DCP1A: variants seen among roughly 807,000 people sequenced by gnomAD.
The protein encoded by DCP1A is decapping mRNA 1A, also known as mRNA-decapping enzyme 1A.
In DCP1A, 20 loss-of-function variants were observed where a neutral mutation model predicts 58.0. That is an observed-to-expected ratio of 0.34 (90% CI 0.24 to 0.50). The LOEUF (loss-of-function observed/expected upper bound fraction) is 0.50, where lower values mean the gene tolerates loss of function less well. Ranked by LOEUF, DCP1A falls within the 20% of genes least tolerant of loss-of-function variation. DCP1A has a pLI of 0.98. For missense variants in DCP1A, 613 were observed against 712.2 expected, an observed-to-expected ratio of 0.86 and a Z score of 1.59; for synonymous variants, 285 against 275.1, an observed-to-expected ratio of 1.04 and a Z score of -0.36.
In DCP1A at chr3:53,344,903, T is replaced by G; in HGVS notation, c.175A>C (p.Arg59=). The G allele has an allele frequency of 6.3e-7, 1 of 1,598,460 alleles. No homozygotes were observed. Among genetic ancestry groups the G allele is most frequent in the Non-Finnish European group, 8.6e-7 (1 of 1,169,414 alleles). The change falls in exon 2 of 10, where the codon AGG becomes CGG. Residue 59 remains arginine (R), a splice_region_variant and synonymous_variant. Coordinates refer to ENST00000610213, the MANE Select transcript of DCP1A (RefSeq NM_018403.7). ...DIEGTLFVYR[R]SASPYHGFTI... is the part of the protein sequence containing the mutation. ...AATATACATATTTTAAAAACTTACC[T>G]TCGATATACGAATAAGGTCCCTTCT...
intron 8 of DCP1A, 96 bp from the exon 9 acceptor site, chr3:53,288,379 G>T: frequency 1.1e-6 from 1 of 900,898 alleles, no homozygotes; most frequent in Non-Finnish European, 1.7e-6. Context: ...AGCAGCAGAA[G>T]AGTGGAGCAC....
chr3:53,299,583 C>A (rs1366832615), intron 6 of DCP1A, among the ~76,000 whole-genome samples: 1 of 152,288 alleles, frequency 6.6e-6, no homozygotes, highest in East Asian at 1.9e-4. Context: ...AAGATAGGCA[C>A]TATTCTTGAA....
At chr3:53,320,616 C>T (rs1378512803) in intron 3 of DCP1A, among the ~76,000 whole-genome samples, 1 of 152,102 alleles carries the variant, frequency 6.6e-6, no homozygotes, top group Non-Finnish European at 1.5e-5. Context: ...AAAGAACAGA[C>T]AGATCTTGGT....
intron 3 of DCP1A, among the ~76,000 whole-genome samples, chr3:53,320,482 C>G (rs1707931754): frequency 6.6e-6 from 1 of 152,182 alleles, no homozygotes; most frequent in Admixed American, 6.5e-5. Flanking sequence ...CTCAGCATAC[C>G]TTGTACCTCC....
chr3:53,306,928 GTTC>G (rs1707493614), intron 5 of DCP1A, among the ~76,000 whole-genome samples: 3 of 139,408 alleles, frequency 2.2e-5, no homozygotes, highest in South Asian at 4.5e-4. Flanking sequence ...TGCCCAGGCT[GTTC>G]TTTTTTTTTT....
chr3:53,305,734 T>C (rs1553687964), intron 5 of DCP1A, among the ~76,000 whole-genome samples: 1 of 152,224 alleles, frequency 6.6e-6, no homozygotes, highest in South Asian at 2.1e-4. Context: ...AAAAGTTTTA[T>C]AGTTTTATAT....
chr3:53,333,854 G>A (rs1553691611), intron 3 of DCP1A, among the ~76,000 whole-genome samples: 2 of 151,964 alleles, frequency 1.3e-5, no homozygotes, highest in East Asian at 1.9e-4. Flanking sequence ...ACAGTTTACC[G>A]TGTATGACTC....
chr3:53,294,360 G>A (rs1553686566), intron 6 of DCP1A, among the ~76,000 whole-genome samples: 1 of 152,128 alleles, frequency 6.6e-6, no homozygotes, highest in African/African-American at 2.4e-5. Flanking sequence ...TAGGAGCAGG[G>A]AGCCTAGAGG....
chr3:53,321,135 C>T (rs1322845904), intron 3 of DCP1A, among the ~76,000 whole-genome samples: 1 of 152,250 alleles, frequency 6.6e-6, no homozygotes, highest in Admixed American at 6.5e-5. Context: ...CAGGCCCAGG[C>T]CCCCTTCTTA....
chr3:53,295,947 C>T (rs1016241557), intron 6 of DCP1A, among the ~76,000 whole-genome samples: 11 of 149,356 alleles, frequency 7.4e-5, no homozygotes, highest in Admixed American at 5.4e-4. Context: ...GGCTCAAGTG[C>T]GGTGGCGTGA....
Position 53,292,061 on chromosome 3 carries a change from G to A in DCP1A, c.1383+8C>T. ...CCACTCTGCCCACCCCCACCCTCCT[G>A]CCATTACCTGAAGGGGAGCAAGCAC... On this transcript the variant is annotated splice_region_variant and intron_variant, in intron 7 of 9. Coordinates refer to ENST00000610213, the MANE Select transcript of DCP1A (RefSeq NM_018403.7). The A allele has an allele frequency of 6.4e-7, 1 of 1,570,216 alleles. No individual in the cohort carries two copies. The highest frequency in any genetic ancestry group is 8.7e-7 in the Non-Finnish European group (1 of 1,151,392).
chr3:53,289,349 G>A (rs1553685649), intron 8 of DCP1A, among the ~76,000 whole-genome samples: 1 of 151,180 alleles, frequency 6.6e-6, no homozygotes, highest in Admixed American at 6.6e-5. Context: ...GGTGGCTCAT[G>A]CCTGTAATCC....
intron 3 of DCP1A, among the ~76,000 whole-genome samples, chr3:53,324,878 A>C (rs1026184601): frequency 3.3e-5 from 5 of 151,954 alleles, no homozygotes; most frequent in Admixed American, 2.0e-4. Context: ...TGTTAACTAA[A>C]AAAAAAAAAG....
At chr3:53,310,795 T>C (rs930887905) in intron 5 of DCP1A, among the ~76,000 whole-genome samples, 19 of 152,254 alleles carry the variant, frequency 1.2e-4, no homozygotes, top group African/African-American at 4.3e-4. Context: ...AAACTTCTCA[T>C]GGGCTCTCAT....
intron 3 of DCP1A, among the ~76,000 whole-genome samples, chr3:53,324,626 T>C (rs1482949460): frequency 6.6e-6 from 1 of 152,142 alleles, no homozygotes; most frequent in Non-Finnish European, 1.5e-5. Flanking sequence ...CAAATGGCCT[T>C]TCTCAAGATG....
In DCP1A at chr3:53,285,382, C is replaced by T. The variant is rs1706597094; in HGVS notation, c.*2198G>A. 6.6e-6 allele frequency: 1 copy of T among 152,188 alleles called. No homozygotes were observed. The highest frequency in any genetic ancestry group is 1.5e-5 in the Non-Finnish European group (1 of 68,038). The allele number at this position is 152,188 out of a possible 1,614,324, so 9.4% of individuals were successfully genotyped here. ...CAATTATCCAGGCTTGGCCTGGCTT[C>T]TCTAGGGATTCATTCTGGCCTGAAC... On this transcript the variant is annotated 3_prime_UTR_variant, in exon 10 of 10. Coordinates refer to ENST00000610213, the MANE Select transcript of DCP1A (RefSeq NM_018403.7).
Position 53,290,798 on chromosome 3 carries a change from G to T in DCP1A, c.1442C>A (p.Ala481Asp). ...VFVQPKVLSS[A>D]IPVAGAPLVT... ...AAAAAAGCGAGTCCTTACCGGGATG[G>T]CACTGGATAACACCTTAGGCTGCAC... Residue 481 changes from alanine (A) to aspartate (D), a missense_variant, in exon 8 of 10, where the codon GCC (alanine) becomes GAC (aspartate). Around this residue, in one of 3 missense-constraint regions of DCP1A, gnomAD observed 498 missense variants for 556.7 expected, o/e 0.89. Transcript: ENST00000610213. The T allele has an allele frequency of 6.5e-7, 1 of 1,531,712 alleles. No homozygotes were observed. Among genetic ancestry groups the T allele is most frequent in the Non-Finnish European group, 9.0e-7 (1 of 1,114,390 alleles). The allele number at this position is 1,531,712 out of a possible 1,614,324, so 94.9% of individuals were successfully genotyped here.
intron 6 of DCP1A, among the ~76,000 whole-genome samples, chr3:53,300,064 C>T (rs1264667646): frequency 6.6e-6 from 1 of 152,034 alleles, no homozygotes; most frequent in Non-Finnish European, 1.5e-5. Flanking sequence ...GACAGGGTTT[C>T]ACCATGTTGG....
At chr3:53,331,421 C>T (rs974576167) in intron 3 of DCP1A, among the ~76,000 whole-genome samples, 5 of 152,098 alleles carry the variant, frequency 3.3e-5, no homozygotes, top group Middle Eastern at 3.2e-3. Flanking sequence ...TTTCACTGTA[C>T]GTTTTCTCTT....
Sources: gnomAD v4.1 joint callset for allele counts (sites outside exome capture counted in the v4.1 genomes callset) on GRCh38, gnomAD v4.1.1 for gene constraint, gnomAD v4.1.1 regional missense constraint, MANE v1.5 for transcripts, NCBI Gene and HGNC (gene_info 2026-07-23, HGNC 2026-07-21) for gene names.